Variants in CDKAL1 observed in about 807,000 individuals in gnomAD.
CDKAL1 encodes CDKAL1 threonylcarbamoyladenosine tRNA methylthiotransferase, also known as threonylcarbamoyladenosine tRNA methylthiotransferase.
CDKAL1 carries 32 observed loss-of-function variants against 68.2 expected under a neutral mutation model. The ratio of observed to expected loss-of-function variants is 0.47; its 90% CI spans 0.35 to 0.63. The LOEUF is 0.63. CDKAL1 is among the 30% of genes least tolerant of loss of function. CDKAL1 has a pLI of 0.00. For missense variants in CDKAL1, 606 were observed against 696.7 expected, an observed-to-expected ratio of 0.87 and a Z score of 1.47; for synonymous variants, 234 against 244.3, an observed-to-expected ratio of 0.96 and a Z score of 0.39.
intron 9 of CDKAL1, among the ~76,000 whole-genome samples, chr6:20,948,455 T>C (rs1422956308): frequency 2.0e-5 from 3 of 152,250 alleles, no homozygotes; most frequent in Non-Finnish European, 4.4e-5. Flanking sequence ...TTTTTACTTT[T>C]CTTTACCTTC....
At chr6:20,868,668 G>C (rs1255409534) in intron 9 of CDKAL1, among the ~76,000 whole-genome samples, 8 of 152,212 alleles carry the variant, frequency 5.3e-5, no homozygotes, top group Non-Finnish European at 1.0e-4. Context: ...GAGGTTTGTT[G>C]ATTACACGTT....
chr6:20,578,050 T>A (rs1344366330), intron 4 of CDKAL1, among the ~76,000 whole-genome samples: 1 of 152,136 alleles, frequency 6.6e-6, no homozygotes, highest in Non-Finnish European at 1.5e-5. Flanking sequence ...ATGTCATAAA[T>A]CTCTGACTCC....
At chr6:20,627,138 A>G (rs1767467960) in intron 4 of CDKAL1, among the ~76,000 whole-genome samples, 1 of 152,126 alleles carries the variant, frequency 6.6e-6, no homozygotes, top group East Asian at 1.9e-4. Context: ...ACATAATTGC[A>G]TCTACTTCAA....
intron 9 of CDKAL1, among the ~76,000 whole-genome samples, chr6:20,909,445 C>G (rs1401628915): frequency 1.3e-5 from 2 of 152,100 alleles, no homozygotes; most frequent in Non-Finnish European, 2.9e-5. Context: ...TTTTGTAAAC[C>G]AATGTTGTTT....
At chr6:20,865,004 T>C (rs919856049) in intron 9 of CDKAL1, among the ~76,000 whole-genome samples, 1 of 152,218 alleles carries the variant, frequency 6.6e-6, no homozygotes, top group African/African-American at 2.4e-5. Flanking sequence ...ATGGTCCTTA[T>C]ATAAATAAAA....
chr6:21,109,552 T>C (rs867828045), intron 13 of CDKAL1, among the ~76,000 whole-genome samples: 1 of 152,238 alleles, frequency 6.6e-6, no homozygotes, highest in Non-Finnish European at 1.5e-5. Context: ...CATGTGACCA[T>C]GGTGATATGT....
chr6:20,660,119 A>G (rs1198225030), intron 5 of CDKAL1, among the ~76,000 whole-genome samples: 1 of 152,170 alleles, frequency 6.6e-6, no homozygotes, highest in Non-Finnish European at 1.5e-5. Flanking sequence ...CTGTGGGGTC[A>G]TCGCCCTTCT....
At chr6:20,921,767 T>C (rs1762966601) in intron 9 of CDKAL1, among the ~76,000 whole-genome samples, 1 of 152,196 alleles carries the variant, frequency 6.6e-6, no homozygotes, top group South Asian at 2.1e-4. Flanking sequence ...TGGGCTTTAC[T>C]TTCTGTAGTT....
At chr6:20,944,016 C>T (rs914800179) in intron 9 of CDKAL1, among the ~76,000 whole-genome samples, 5 of 152,320 alleles carry the variant, frequency 3.3e-5, no homozygotes, top group South Asian at 4.1e-4. Context: ...TTTGGAGCTC[C>T]GTCTCCATAG....
At chr6:20,642,646 C>T (rs1245504572) in intron 4 of CDKAL1, among the ~76,000 whole-genome samples, 2 of 152,092 alleles carry the variant, frequency 1.3e-5, no homozygotes, top group Non-Finnish European at 2.9e-5. Flanking sequence ...GTAAAGGGCA[C>T]TCACAGGCCC....
intron 15 of CDKAL1, among the ~76,000 whole-genome samples, chr6:21,219,609 G>C (rs907658739): frequency 6.6e-6 from 1 of 152,202 alleles, no homozygotes; most frequent in African/African-American, 2.4e-5. Flanking sequence ...TTGAGATAGA[G>C]AAAAGCACCT....
At chr6:21,024,752 T>A (rs910546608) in intron 11 of CDKAL1, among the ~76,000 whole-genome samples, 4 of 152,220 alleles carry the variant, frequency 2.6e-5, no homozygotes, top group African/African-American at 9.6e-5. Flanking sequence ...ATGGAAAATC[T>A]GCCAGTGGCC....
intron 4 of CDKAL1, among the ~76,000 whole-genome samples, chr6:20,556,486 G>A (rs1482522135): frequency 1.3e-5 from 2 of 152,122 alleles, no homozygotes; most frequent in African/African-American, 4.8e-5. Context: ...AACCTCAATA[G>A]GATATTTTTG....
intron 9 of CDKAL1, among the ~76,000 whole-genome samples, chr6:20,915,915 C>T (rs1418045330): frequency 6.6e-6 from 1 of 151,654 alleles, no homozygotes; most frequent in Non-Finnish European, 1.5e-5. Context: ...AATTGGATCT[C>T]AAGATCCAAT....
chr6:20,561,296 G>T (rs1344172158), intron 4 of CDKAL1, among the ~76,000 whole-genome samples: 2 of 152,040 alleles, frequency 1.3e-5, no homozygotes, highest in East Asian at 3.9e-4. Flanking sequence ...AAAAAAATTA[G>T]CTGGGCTTGG....
At chr6:20,649,581 A>G (rs1768653180) in intron 5 of CDKAL1, among the ~76,000 whole-genome samples, 1 of 152,134 alleles carries the variant, frequency 6.6e-6, no homozygotes, top group Non-Finnish European at 1.5e-5. Context: ...AATTTACTTT[A>G]AGTTCTGGGG....
intron 13 of CDKAL1, among the ~76,000 whole-genome samples, chr6:21,189,122 A>G (rs2151095032): frequency 6.6e-6 from 1 of 152,346 alleles, no homozygotes; most frequent in Non-Finnish European, 1.5e-5. Flanking sequence ...AGACACGGCT[A>G]GAAGAAAACC....
At chr6:21,186,287 G>C (rs1048501533) in intron 13 of CDKAL1, among the ~76,000 whole-genome samples, 1 of 152,066 alleles carries the variant, frequency 6.6e-6, no homozygotes, top group African/African-American at 2.4e-5. Flanking sequence ...TGTACTGCAC[G>C]TGTTATTTAT....
At chr6:20,991,928 A>T (rs1766832856) in intron 10 of CDKAL1, among the ~76,000 whole-genome samples, 1 of 151,098 alleles carries the variant, frequency 6.6e-6, no homozygotes, top group African/African-American at 2.4e-5. Flanking sequence ...TAGGAATTTT[A>T]AAAATATAAT....
Sources: gnomAD v4.1 joint callset for allele counts (sites outside exome capture counted in the v4.1 genomes callset) on GRCh38, gnomAD v4.1.1 for gene constraint, MANE v1.5 for transcripts, NCBI Gene and HGNC (gene_info 2026-07-23, HGNC 2026-07-21) for gene names.